NEK6: variants seen among roughly 807,000 people sequenced by gnomAD.
NEK6 encodes the protein NIMA related kinase 6.
Under a neutral mutation model 43.5 loss-of-function variants are expected in NEK6, and 27 were observed. The observed-to-expected ratio is 0.62, with a 90% CI of 0.46 to 0.86. The LOEUF (loss-of-function observed/expected upper bound fraction) is 0.86, where lower values mean the gene tolerates loss of function less well. Ranked by LOEUF, NEK6 falls within the 40% of genes least tolerant of loss-of-function variation. The probability of loss-of-function intolerance (pLI) is 0.00; values close to 1 mark genes in which losing one functional copy is unlikely to be tolerated. For missense variants in NEK6, 318 were observed against 414.4 expected (o/e 0.77, Z 2.02); for synonymous variants, 167 against 164.1 (o/e 1.02, Z -0.14).
chr9:124,285,177 T>C (rs1832098554), intron 1 of NEK6, among the ~76,000 whole-genome samples: 1 of 152,204 alleles, frequency 6.6e-6, no homozygotes, highest in Non-Finnish European at 1.5e-5. Context: ...CGTCGAGGCA[T>C]ATTTTACAGG....
chr9:124,275,857 G>T lies in NEK6; in HGVS notation c.-30+17772G>T, dbSNP rs1053444812. Reference sequence around the variant, plus strand: ...ACAGCTGAGATGCTGAGACCACTGTGTCCAAAGCCCAGGCCTTTTCTGGGG... The same window carrying T: ...ACAGCTGAGATGCTGAGACCACTGTTTCCAAAGCCCAGGCCTTTTCTGGGG... On this transcript the variant is annotated intron_variant, in intron 1 of 9. Coordinates refer to ENST00000320246, the MANE Select transcript of NEK6 (RefSeq NM_014397.6). This position sits in a 1 kb window ranked among gnomAD's most constrained non-coding sequence, Gnocchi z 4.4. Among the ~76,000 whole-genome samples the T allele has an allele frequency of 6.6e-6, 1 of 152,270 alleles. No homozygotes were observed. Among genetic ancestry groups the T allele is most frequent in the Non-Finnish European group, 1.5e-5 (1 of 68,052 alleles).
At chr9:124,261,304 C>T in intron 1 of NEK6, 2 of 719,438 alleles carry the variant, frequency 2.8e-6, no homozygotes, top group Non-Finnish European at 1.7e-6. Context: ...CTTTAAGTGC[C>T]CCAGATACTT....
At chr9:124,346,905 C>T (rs1251927638) in intron 8 of NEK6, among the ~76,000 whole-genome samples, 2 of 152,254 alleles carry the variant, frequency 1.3e-5, no homozygotes, top group Non-Finnish European at 2.9e-5. Context: ...GGTCTTGGCC[C>T]TGCTGGTGGT....
intron 1 of NEK6, among the ~76,000 whole-genome samples, chr9:124,284,858 C>G (rs768091656): frequency 1.3e-5 from 2 of 152,254 alleles, no homozygotes; most frequent in Non-Finnish European, 2.9e-5. Context: ...CCTGCCTCTG[C>G]TGTCTCCCAG....
chr9:124,293,569 C>A (rs1274751868), intron 1 of NEK6, among the ~76,000 whole-genome samples: 2 of 152,160 alleles, frequency 1.3e-5, no homozygotes, highest in African/African-American at 4.8e-5. Context: ...TTCAAAAAGG[C>A]CCTGGGAACC....
intron 8 of NEK6, among the ~76,000 whole-genome samples, chr9:124,340,577 C>A (rs1040407208): frequency 1.3e-5 from 2 of 152,164 alleles, no homozygotes; most frequent in African/African-American, 4.8e-5. Context: ...GCTCTGGAAA[C>A]CCCCCCAGGC....
chr9:124,318,833 G>A lies in NEK6; in HGVS notation c.295-2626G>A, dbSNP rs566981928. 6.6e-5 allele frequency among the ~76,000 whole-genome samples: 10 copies of A among 151,924 alleles called. No homozygotes were observed. The East Asian group carries it at 1.5e-3, about 24-fold the overall frequency. ...ATTACAGGCACCCACCATCATGCTC[G>A]GCTAATTGTTGTATTTTAGTAGAGA... On this transcript the variant is annotated intron_variant, in intron 4 of 9. Transcript: ENST00000320246.
At chr9:124,287,141 T>C (rs1832201280) in intron 1 of NEK6, among the ~76,000 whole-genome samples, 1 of 152,132 alleles carries the variant, frequency 6.6e-6, no homozygotes, top group Non-Finnish European at 1.5e-5. Flanking sequence ...TGCAGCCCTC[T>C]TGGCCTAGTG....
At chr9:124,348,256 C>T (rs1384494346) in intron 9 of NEK6, among the ~76,000 whole-genome samples, 1 of 152,168 alleles carries the variant, frequency 6.6e-6, no homozygotes, top group South Asian at 2.1e-4. Flanking sequence ...GCAGGAGGAC[C>T]GGTCAGTTTC....
At chr9:124,293,393 C>T (rs1832521710) in intron 1 of NEK6, among the ~76,000 whole-genome samples, 1 of 152,190 alleles carries the variant, frequency 6.6e-6, no homozygotes, top group Non-Finnish European at 1.5e-5. Flanking sequence ...GCGGACCCAG[C>T]CTTGACCAGG....
At chr9:124,284,837 G>C (rs1239800519) in intron 1 of NEK6, among the ~76,000 whole-genome samples, 1 of 152,206 alleles carries the variant, frequency 6.6e-6, no homozygotes, top group African/African-American at 2.4e-5. Context: ...GCTGGCACCA[G>C]TGTTCAAGCC....
Position 124,302,036 on chromosome 9 carries a change from G to A in NEK6, c.72G>A (p.Val24=). The change falls in exon 2 of 10, where the codon GTG becomes GTA. Residue 24 remains valine (V), a synonymous_variant. Transcript: ENST00000320246. Reference sequence around the variant, plus strand: ...ACCTCTGCCACACCCTGGGGCCTGTGCATCCTCCTGACCCACAGGTAAGCC... The same window carrying A: ...ACCTCTGCCACACCCTGGGGCCTGTACATCCTCCTGACCCACAGGTAAGCC... ...SNNLCHTLGP[V]HPPDPQRHPN... is the part of the protein sequence containing the mutation. The A allele has an allele frequency of 6.2e-7, 1 of 1,603,674 alleles. No homozygotes were observed. Among genetic ancestry groups the A allele is most frequent in the Non-Finnish European group, 8.5e-7 (1 of 1,174,852 alleles).
intron 4 of NEK6, 59 bp downstream of exon 4, chr9:124,314,044 C>T (rs747308076): frequency 3.3e-5 from 50 of 1,494,096 alleles, no homozygotes; most frequent in Admixed American, 5.1e-5. Flanking sequence ...GGGGCCGCGG[C>T]TGGGCCACAT....
At chr9:124,299,015 G>A (rs1051656948) in intron 1 of NEK6, among the ~76,000 whole-genome samples, 6 of 152,226 alleles carry the variant, frequency 3.9e-5, no homozygotes, top group Non-Finnish European at 5.9e-5. Context: ...TGGAGAATGC[G>A]GTCAGCGCCA....
intron 2 of NEK6, among the ~76,000 whole-genome samples, chr9:124,308,039 C>T (rs1055613118): frequency 2.6e-5 from 4 of 152,210 alleles, no homozygotes; most frequent in African/African-American, 4.8e-5. Context: ...GCACCTAGTG[C>T]CAGGCCCTCT....
intron 2 of NEK6, among the ~76,000 whole-genome samples, chr9:124,310,857 A>T (rs551292456): frequency 6.6e-6 from 1 of 152,220 alleles, no homozygotes; most frequent in East Asian, 1.9e-4. Flanking sequence ...CAGTGCTGGG[A>T]TTACAGGCGT....
chr9:124,273,374 C>T (rs879632741), intron 1 of NEK6, among the ~76,000 whole-genome samples: 3 of 152,168 alleles, frequency 2.0e-5, no homozygotes, highest in Non-Finnish European at 4.4e-5. Context: ...GGACGGAACC[C>T]TTTGCATGCT....
chr9:124,319,019 C>CT (rs1414497118), intron 4 of NEK6, among the ~76,000 whole-genome samples: 2 of 152,156 alleles, frequency 1.3e-5, no homozygotes, highest in East Asian at 1.9e-4. Context: ...GAATCTCACT[C>CT]TGTCACCCAA....
Position 124,291,897 on chromosome 9 carries a change from C to A in NEK6, c.-29-10039C>A, listed in dbSNP as rs569200494. On this transcript the variant is annotated intron_variant, in intron 1 of 9. Transcript: ENST00000320246. ...AGAGCAGCGCATGGTGGGGGAGTTT[C>A]CTTTTGGCGGTGTCTGGGGACCGGA... The A allele has an allele frequency of 2.0e-4, 199 of 985,652 alleles. 1 individual carries two copies. The highest frequency in any genetic ancestry group is 2.3e-4 in the Non-Finnish European group (195 of 830,178). 61.1% of individuals were successfully genotyped at this position (985,652 alleles called of 1,614,324 possible). A position where few individuals can be genotyped will look rare whatever the true frequency, so the allele number is the denominator to read the frequency against.
Sources: gnomAD v4.1 joint callset for allele counts (sites outside exome capture counted in the v4.1 genomes callset) on GRCh38, gnomAD v4.1.1 for gene constraint, Gnocchi (gnomAD v3.1) non-coding constraint, MANE v1.5 for transcripts, NCBI Gene and HGNC (gene_info 2026-07-23, HGNC 2026-07-21) for gene names.